The following PHF14 variants were observed in gnomAD, a reference collection of about 807,000 sequenced individuals.
The protein encoded by PHF14 is PHD finger protein 14.
In PHF14, 55 loss-of-function variants were observed where a neutral mutation model predicts 117.9. The observed-to-expected ratio is 0.47, with a 90% CI of 0.38 to 0.58. The LOEUF is 0.58. PHF14 is among the 20% of genes least tolerant of loss of function. The probability of loss-of-function intolerance (pLI) is 0.00; values close to 1 mark genes in which losing one functional copy is unlikely to be tolerated. For synonymous variants in PHF14, 409 were observed against 368.6 expected (o/e 1.11, Z -1.26); for missense variants, 978 against 1,122.2 (o/e 0.87, Z 1.84).
At chr7:11,071,602 A>G (rs1023252012) in intron 16 of PHF14, among the ~76,000 whole-genome samples, 36 of 152,330 alleles carry the variant, frequency 2.4e-4, no homozygotes, top group African/African-American at 8.2e-4. Flanking sequence ...TCATTGTTCA[A>G]CGATCATTAC....
At chr7:11,094,140 T>C (rs1400564092) in intron 16 of PHF14, among the ~76,000 whole-genome samples, 1 of 152,226 alleles carries the variant, frequency 6.6e-6, no homozygotes, top group Non-Finnish European at 1.5e-5. Context: ...GTCTTTCTAA[T>C]GGCCCAAATT....
At chr7:11,071,419 A>T in intron 16 of PHF14, 1 of 384,428 alleles carries the variant, frequency 2.6e-6, no homozygotes, top group Non-Finnish European at 5.2e-6. Context: ...TTCCAGTTGC[A>T]TTTTCTCTCA....
At chr7:11,155,269 G>A (rs1009203184) in intron 17 of PHF14, among the ~76,000 whole-genome samples, 2 of 152,168 alleles carry the variant, frequency 1.3e-5, no homozygotes, top group African/African-American at 4.8e-5. Flanking sequence ...AGGTATCAAA[G>A]TTAGGATTTG....
rs568622656 is a variant in PHF14 at position 11,035,845 on chromosome 7, C to T, written c.1602+59C>T. ...GTTTTAAGGTTATGTAAGGATTTTA[C>T]GTCTCGTGTGGCTTCCAGTGACATG... On this transcript the variant is annotated intron_variant, in intron 8 of 17. Coordinates refer to ENST00000634607, the MANE Select transcript of PHF14 (RefSeq NM_001007157.2). The T allele has an allele frequency of 1.8e-5, 25 of 1,352,376 alleles. No homozygotes were observed. The South Asian group carries it at 3.0e-4, about 16-fold the overall frequency. The allele number at this position is 1,352,376 out of a possible 1,614,324, so 83.8% of individuals were successfully genotyped here.
chr7:11,077,849 AT>A (rs577301042), intron 16 of PHF14, among the ~76,000 whole-genome samples: 130 of 152,284 alleles, frequency 8.5e-4, no homozygotes, highest in African/African-American at 3.1e-3. Context: ...AAGTAAGAAC[AT>A]TATCTATCTC....
chr7:11,125,425 C>A (rs191864255), intron 17 of PHF14, among the ~76,000 whole-genome samples: 4 of 152,058 alleles, frequency 2.6e-5, no homozygotes, highest in Admixed American at 2.6e-4. Context: ...GTACAAGTTT[C>A]TCTTCTTCAA....
chr7:11,167,210 A>T (rs567610938), intron 17 of PHF14, among the ~76,000 whole-genome samples: 1 of 152,350 alleles, frequency 6.6e-6, no homozygotes, highest in African/African-American at 2.4e-5. Flanking sequence ...CCGGGAAGTC[A>T]TACGGTGGAG....
intron 12 of PHF14, 83 bp from the exon 13 acceptor site, chr7:11,042,599 TG>T (rs1784535528): frequency 1.2e-5 from 11 of 902,564 alleles, no homozygotes; most frequent in Non-Finnish European, 1.1e-5. Context: ...GATGAAATTT[TG>T]TAAGTTGAAA....
At chr7:11,004,756 C>T (rs534230633) in intron 4 of PHF14, among the ~76,000 whole-genome samples, 2 of 150,252 alleles carry the variant, frequency 1.3e-5, no homozygotes, top group East Asian at 3.9e-4. Context: ...TATAATGTGG[C>T]TGGGTGCGGT....
At chr7:10,998,256 C>G (rs554168792) in intron 4 of PHF14, among the ~76,000 whole-genome samples, 15 of 152,146 alleles carry the variant, frequency 9.9e-5, no homozygotes, top group African/African-American at 3.6e-4. Context: ...GTAGTTGGAG[C>G]ATGTGTAAGT....
chr7:11,000,803 C>G (rs1451059459), intron 4 of PHF14, among the ~76,000 whole-genome samples: 1 of 152,134 alleles, frequency 6.6e-6, no homozygotes, highest in Non-Finnish European at 1.5e-5. Flanking sequence ...TTCTCCCAGT[C>G]TGTAGTTTGT....
At chr7:11,152,661 CAG>C (rs71906497) in intron 17 of PHF14, among the ~76,000 whole-genome samples, 16,110 of 152,010 alleles carry the variant, frequency 0.11, 1,135 homozygotes, top group African/African-American at 0.2. Flanking sequence ...ATAAGAAAAA[CAG>C]AAAATCTGCT....
chr7:11,111,939 A>C (rs1680669812), intron 17 of PHF14, among the ~76,000 whole-genome samples: 1 of 151,470 alleles, frequency 6.6e-6, no homozygotes, highest in Non-Finnish European at 1.5e-5. Context: ...TTCATATCCT[A>C]AATCTTATTT....
intron 7 of PHF14, among the ~76,000 whole-genome samples, chr7:11,032,993 T>C (rs1032881665): frequency 6.6e-6 from 1 of 152,152 alleles, no homozygotes; most frequent in Non-Finnish European, 1.5e-5. Flanking sequence ...AAAATTGATA[T>C]TAAAATGGTA....
chr7:11,114,478 C>T (rs1422376205), intron 17 of PHF14, among the ~76,000 whole-genome samples: 1 of 152,018 alleles, frequency 6.6e-6, no homozygotes, highest in African/African-American at 2.4e-5. Context: ...TAAGATTCAT[C>T]ATATCTGAAT....
At chr7:11,048,248 A>G (rs1784741309) in intron 13 of PHF14, among the ~76,000 whole-genome samples, 1 of 152,178 alleles carries the variant, frequency 6.6e-6, no homozygotes, top group Admixed American at 6.5e-5. Context: ...ATTTGACTTT[A>G]GGAAAGATAA....
intron 17 of PHF14, among the ~76,000 whole-genome samples, chr7:11,121,882 A>G (rs1428303200): frequency 2.0e-5 from 3 of 151,632 alleles, no homozygotes; most frequent in Non-Finnish European, 4.4e-5. Flanking sequence ...GTTCTGGGGT[A>G]CGTGTCCAGA....
intron 17 of PHF14, among the ~76,000 whole-genome samples, chr7:11,147,008 G>A (rs1788566291): frequency 6.6e-6 from 1 of 152,018 alleles, no homozygotes; most frequent in Admixed American, 6.6e-5. Context: ...CACGACACCT[G>A]GCTAATTTTG....
At chr7:11,024,465 A>G (rs140144616) in intron 6 of PHF14, among the ~76,000 whole-genome samples, 10 of 152,342 alleles carry the variant, frequency 6.6e-5, no homozygotes, top group African/African-American at 1.7e-4. Context: ...AGGACTTACC[A>G]TAGCTAGAGA....
Sources: gnomAD v4.1 joint callset for allele counts (sites outside exome capture counted in the v4.1 genomes callset) on GRCh38, gnomAD v4.1.1 for gene constraint, MANE v1.5 for transcripts, NCBI Gene and HGNC (gene_info 2026-07-23, HGNC 2026-07-21) for gene names.